Variants in NINL observed in about 807,000 individuals in gnomAD.
NINL encodes ninein-like protein.
A neutral mutation model predicts 160.3 loss-of-function variants in NINL; 153 were observed. The ratio of observed to expected loss-of-function variants is 0.95; its 90% CI spans 0.84 to 1.09. NINL has a LOEUF of 1.09. Among genes scored for constraint, NINL ranks in the 50% least tolerant of loss-of-function variants. The probability of loss-of-function intolerance (pLI) is 0.00; values close to 1 mark genes in which losing one functional copy is unlikely to be tolerated. For missense variants in NINL, 1,829 were observed against 1,764.0 expected, an observed-to-expected ratio of 1.04 and a Z score of -0.66; for synonymous variants, 800 against 734.8, an observed-to-expected ratio of 1.09 and a Z score of -1.43.
At chr20:25,472,464 AT>A (rs2063128966) in intron 17 of NINL, among the ~76,000 whole-genome samples, 1 of 149,094 alleles carries the variant, frequency 6.7e-6, no homozygotes, top group Non-Finnish European at 1.5e-5. Context: ...GAGAGGCAAT[AT>A]TTTAATAGTA....
intron 1 of NINL, among the ~76,000 whole-genome samples, chr20:25,572,712 A>G (rs1301589194): frequency 6.6e-6 from 1 of 152,212 alleles, no homozygotes; most frequent in Non-Finnish European, 1.5e-5. Flanking sequence ...TAGTTTTCTA[A>G]AAGTTTTTCC....
intron 1 of NINL, among the ~76,000 whole-genome samples, chr20:25,543,340 T>C (rs2064692993): frequency 6.6e-6 from 1 of 152,144 alleles, no homozygotes; most frequent in Non-Finnish European, 1.5e-5. Flanking sequence ...GCTTGAGCTC[T>C]GGAGGTCCAG....
rs533183196 is a variant in NINL at position 25,584,910 on chromosome 20, A to T, written c.-12+545T>A. 5.3e-5 allele frequency among the ~76,000 whole-genome samples: 8 copies of T among 152,372 alleles called. No individual in the cohort carries two copies. The South Asian group carries it at 1.4e-3, about 28-fold the overall frequency. On this transcript the variant is annotated intron_variant, in intron 1 of 23. Coordinates refer to ENST00000278886, the MANE Select transcript of NINL (RefSeq NM_025176.6). ...AATCTGCAAAACGAGTACAACAGATAAAATTCGCAACAGACTTCTACACCC... is the reference window on the plus strand; with the variant it reads ...AATCTGCAAAACGAGTACAACAGATTAAATTCGCAACAGACTTCTACACCC...
chr20:25,466,778 T>G (rs1420054370), intron 19 of NINL, among the ~76,000 whole-genome samples: 2 of 151,890 alleles, frequency 1.3e-5, no homozygotes, highest in African/African-American at 2.4e-5. Flanking sequence ...CCAGCCTGGG[T>G]GACAGAGTGA....
At chr20:25,478,140 G>A (rs536581924) in intron 16 of NINL, among the ~76,000 whole-genome samples, 8 of 152,198 alleles carry the variant, frequency 5.3e-5, no homozygotes, top group East Asian at 1.9e-4. Flanking sequence ...AGTAGAGACA[G>A]GGTTTCACCA....
At chr20:25,463,960 T>C (rs2146348532) in intron 19 of NINL, among the ~76,000 whole-genome samples, 1 of 152,336 alleles carries the variant, frequency 6.6e-6, no homozygotes, top group South Asian at 2.1e-4. Flanking sequence ...TCATGTGTTT[T>C]ATGACATTTT....
At chr20:25,553,269 AT>A (rs1399588898) in intron 1 of NINL, among the ~76,000 whole-genome samples, 1 of 151,780 alleles carries the variant, frequency 6.6e-6, no homozygotes, top group Non-Finnish European at 1.5e-5. Flanking sequence ...CATGCAGCTT[AT>A]TGGAATCGTA....
At chr20:25,529,866 AAAAG>A (rs1054166951) in intron 1 of NINL, among the ~76,000 whole-genome samples, 1 of 152,144 alleles carries the variant, frequency 6.6e-6, no homozygotes, top group African/African-American at 2.4e-5. Context: ...ATACAAATGA[AAAAG>A]AAAGACAAGT....
At chr20:25,541,484 T>A (rs1449166124) in intron 1 of NINL, among the ~76,000 whole-genome samples, 1 of 152,242 alleles carries the variant, frequency 6.6e-6, no homozygotes, top group Non-Finnish European at 1.5e-5. Flanking sequence ...TCCTGTAAGT[T>A]CCTATTGTAT....
chr20:25,498,266 G>A lies in NINL; in HGVS notation c.1113C>T (p.Asp371=). 1.2e-6 allele frequency: 2 copies of A among 1,613,352 alleles called. No individual in the cohort carries two copies. Among genetic ancestry groups the A allele is most frequent in the Non-Finnish European group, 1.7e-6 (2 of 1,180,012 alleles). The change falls in exon 9 of 24, where the codon GAC becomes GAT. Residue 371 remains aspartate (D), a synonymous_variant. Coordinates refer to ENST00000278886, the MANE Select transcript of NINL (RefSeq NM_025176.6). ...CCAGGGCTGCCTGCTGGACGGCACT[G>A]TCCACTGTCATGAGCTCGTTGTCAA... ...WALDNELMTV[D]SAVQQAALAC...
At chr20:25,478,662 C>T (rs907773953) in intron 16 of NINL, among the ~76,000 whole-genome samples, 2 of 152,280 alleles carry the variant, frequency 1.3e-5, no homozygotes, top group African/African-American at 2.4e-5. Context: ...CTGCCGGGCA[C>T]GGCTGAGGCA....
intron 1 of NINL, among the ~76,000 whole-genome samples, chr20:25,559,974 C>T (rs1179621954): frequency 1.3e-5 from 2 of 152,164 alleles, no homozygotes; most frequent in Admixed American, 1.3e-4. Flanking sequence ...GCTCTGTCAG[C>T]CAGGCTGGAG....
chr20:25,477,407 G>A (rs758236602), intron 16 of NINL, among the ~76,000 whole-genome samples: 19 of 152,202 alleles, frequency 1.2e-4, no homozygotes, highest in Non-Finnish European at 1.8e-4. Context: ...TGCAGGCCAC[G>A]TTCCAAGCCC....
chr20:25,538,100 C>T (rs1307545755), intron 1 of NINL, among the ~76,000 whole-genome samples: 2 of 152,278 alleles, frequency 1.3e-5, no homozygotes, highest in East Asian at 3.9e-4. Context: ...GCCCCTGGCC[C>T]ATCCCAACCC....
chr20:25,496,784 C>T lies in NINL; in HGVS notation c.1189G>A (p.Ala397Thr). ...SYQQGQVEQL[A>T]RERDKARQDL... is the part of the protein sequence containing the mutation. ...TGCCTTGCCTTGTCACGCTCCCTTGCCAGCTGCTCCACCTGCCCTCTGCCA... is the reference window on the plus strand; with the variant it reads ...TGCCTTGCCTTGTCACGCTCCCTTGTCAGCTGCTCCACCTGCCCTCTGCCA... The change falls in exon 10 of 24, where the codon GCA (alanine) becomes ACA (threonine). Residue 397 changes from alanine to threonine, a missense_variant. Transcript: ENST00000278886. 6.2e-7 allele frequency: 1 copy of T among 1,614,010 alleles called. No individual in the cohort carries two copies. Among genetic ancestry groups the T allele is most frequent in the Non-Finnish European group, 8.5e-7 (1 of 1,180,008 alleles).
chr20:25,484,504 C>T (rs572969308), intron 13 of NINL, among the ~76,000 whole-genome samples: 2 of 152,326 alleles, frequency 1.3e-5, no homozygotes, highest in Admixed American at 1.3e-4. Flanking sequence ...AAGGCAGCAG[C>T]CAACACTGCG....
chr20:25,472,324 G>GATATAGATAT (rs2063115706), intron 17 of NINL, among the ~76,000 whole-genome samples: 1 of 83,982 alleles, frequency 1.2e-5, no homozygotes, highest in Non-Finnish European at 2.4e-5. Context: ...GGGAGGAGAG[G>GATATAGATAT]ATATATATAT....
intron 22 of NINL, among the ~76,000 whole-genome samples, chr20:25,457,633 G>A (rs933845636): frequency 6.6e-6 from 1 of 152,174 alleles, no homozygotes; most frequent in African/African-American, 2.4e-5. Flanking sequence ...CACTTTTCAA[G>A]TCGTGCGCCA....
rs568560169 is a variant in NINL, at chr20:25,453,186, G to A, written c.*265C>T. 7 of 332,708 alleles carry A rather than the reference G, an allele frequency of 2.1e-5. No homozygotes were observed. Among genetic ancestry groups the A allele is most frequent in the Non-Finnish European group, 3.3e-5 (6 of 184,098 alleles). 20.6% of individuals were successfully genotyped at this position (332,708 alleles called of 1,614,324 possible). Reference sequence around the variant, plus strand: ...ACAGCTCCCAGGATCTGGCTCCAGAGAGTGGCAAAACTGGGAATTTTGCCA... The same window carrying A: ...ACAGCTCCCAGGATCTGGCTCCAGAAAGTGGCAAAACTGGGAATTTTGCCA... On this transcript the variant is annotated 3_prime_UTR_variant, in exon 24 of 24. Transcript: ENST00000278886.
Sources: allele counts gnomAD v4.1 joint callset (sites outside exome capture counted in the v4.1 genomes callset), GRCh38; gene constraint gnomAD v4.1.1; transcripts MANE v1.5; gene names NCBI Gene and HGNC (gene_info 2026-07-23, HGNC 2026-07-21).